The following MDGA2 variants were observed in gnomAD, a reference collection of about 807,000 sequenced individuals.
MDGA2 encodes the protein MAM domain containing glycosylphosphatidylinositol anchor 2.
Under a neutral mutation model 117.8 loss-of-function variants are expected in MDGA2, and 40 were observed. The ratio of observed to expected loss-of-function variants is 0.34; its 90% CI spans 0.26 to 0.44. The LOEUF (loss-of-function observed/expected upper bound fraction) is 0.44. Among genes scored for constraint, MDGA2 ranks in the 20% least tolerant of loss-of-function variants. The pLI, the probability that MDGA2 is intolerant of heterozygous loss-of-function variation, is 1.00. For missense variants in MDGA2, 1,123 were observed against 1,250.6 expected (o/e 0.90, Z 1.54); for synonymous variants, 452 against 439.0 (o/e 1.03, Z -0.37).
At chr14:47,068,277 T>G (rs532037746) in intron 6 of MDGA2, among the ~76,000 whole-genome samples, 1 of 151,924 alleles carries the variant, frequency 6.6e-6, no homozygotes, top group Non-Finnish European at 1.5e-5. Flanking sequence ...AAGGACGTTT[T>G]AGGCAGGCAC....
chr14:47,369,683 A>AT (rs1333355186), intron 1 of MDGA2, among the ~76,000 whole-genome samples: 19 of 152,196 alleles, frequency 1.2e-4, no homozygotes, highest in African/African-American at 4.3e-4. Flanking sequence ...ATAAAATATG[A>AT]TTTTTTCCCA....
intron 5 of MDGA2, among the ~76,000 whole-genome samples, chr14:47,120,872 C>T (rs1566636456): frequency 2.6e-5 from 4 of 152,132 alleles, no homozygotes; most frequent in Admixed American, 6.6e-5. Context: ...AAAAGCTCCA[C>T]GTAAACCAAT....
intron 1 of MDGA2, among the ~76,000 whole-genome samples, chr14:47,432,988 C>A (rs1360336911): frequency 6.6e-6 from 1 of 151,910 alleles, no homozygotes; most frequent in African/African-American, 2.4e-5. Context: ...AATACTGGGA[C>A]ACAAAGATGA....
chr14:47,505,642 T>C lies in MDGA2; in HGVS notation c.280+168875A>G, dbSNP rs143115456. Among the ~76,000 whole-genome samples the C allele has an allele frequency of 2.5e-4, 38 of 152,294 alleles. No individual in the cohort carries two copies. The East Asian group carries it at 6.6e-3, about 26-fold the overall frequency. On this transcript the variant is annotated intron_variant, in intron 1 of 16. Transcript: ENST00000399232. ...TTTTTATGTCATTATTTGCAAAATG[T>C]GTCCTAATTCTCCCTTAGTTTTCAG...
At chr14:47,550,309 T>C (rs1353801049) in intron 1 of MDGA2, among the ~76,000 whole-genome samples, 1 of 152,264 alleles carries the variant, frequency 6.6e-6, no homozygotes, top group Admixed American at 6.5e-5. Context: ...TTTTCTTTAC[T>C]AGTGACTTCT....
intron 2 of MDGA2, among the ~76,000 whole-genome samples, chr14:47,273,126 A>C (rs1403956226): frequency 6.6e-6 from 1 of 152,142 alleles, no homozygotes; most frequent in Non-Finnish European, 1.5e-5. Context: ...ATTTTGAATA[A>C]GATTTTGGTG....
chr14:47,254,813 T>C (rs1241177280), intron 2 of MDGA2, among the ~76,000 whole-genome samples: 2 of 152,198 alleles, frequency 1.3e-5, no homozygotes, highest in Non-Finnish European at 2.9e-5. Flanking sequence ...CTGGGTAATT[T>C]ATAAAGGAAA....
intron 1 of MDGA2, among the ~76,000 whole-genome samples, chr14:47,551,213 C>G (rs1353973607): frequency 2.0e-5 from 3 of 151,962 alleles, no homozygotes; most frequent in African/African-American, 7.3e-5. Flanking sequence ...AAATGCATAG[C>G]TCTAAATTCT....
chr14:47,630,667 G>T (rs1897238405), intron 1 of MDGA2, among the ~76,000 whole-genome samples: 1 of 152,102 alleles, frequency 6.6e-6, no homozygotes, highest in African/African-American at 2.4e-5. Context: ...CTCTGAGAAT[G>T]AATTATTATA....
chr14:47,558,915 G>A (rs1320303219), intron 1 of MDGA2, among the ~76,000 whole-genome samples: 2 of 151,960 alleles, frequency 1.3e-5, no homozygotes, highest in Non-Finnish European at 2.9e-5. Context: ...GCTATAATCT[G>A]TAAATTTTAT....
At chr14:47,055,956 G>T (rs1481471521) in intron 7 of MDGA2, among the ~76,000 whole-genome samples, 1 of 152,036 alleles carries the variant, frequency 6.6e-6, no homozygotes, top group African/African-American at 2.4e-5. Context: ...TTGGATTCAA[G>T]GAAAGAAATT....
intron 1 of MDGA2, among the ~76,000 whole-genome samples, chr14:47,365,140 AAAT>A (rs1891205371): frequency 6.6e-6 from 1 of 152,230 alleles, no homozygotes; most frequent in African/African-American, 2.4e-5. Context: ...CATATAAATC[AAAT>A]AATACTTTCA....
chr14:47,245,231 C>T (rs983356380), intron 2 of MDGA2, among the ~76,000 whole-genome samples: 13 of 151,682 alleles, frequency 8.6e-5, no homozygotes, highest in African/African-American at 2.7e-4. Flanking sequence ...GTCCCTGTGA[C>T]GAGCCCAGGC....
chr14:47,508,633 C>T (rs1158549327), intron 1 of MDGA2, among the ~76,000 whole-genome samples: 2 of 151,980 alleles, frequency 1.3e-5, no homozygotes, highest in Admixed American at 1.3e-4. Flanking sequence ...AAGATAAACA[C>T]AGACATGAAA....
intron 1 of MDGA2, among the ~76,000 whole-genome samples, chr14:47,640,742 T>G (rs1341847100): frequency 6.6e-6 from 1 of 152,130 alleles, no homozygotes; most frequent in East Asian, 1.9e-4. Context: ...CTGCACAAAA[T>G]ATCCTCACGT....
intron 6 of MDGA2, among the ~76,000 whole-genome samples, chr14:47,071,434 T>C (rs1890277673): frequency 1.3e-5 from 2 of 152,180 alleles, no homozygotes; most frequent in Non-Finnish European, 1.5e-5. Context: ...TGCTATAATA[T>C]GTTATATGTA....
At chr14:46,956,228 TTTC>T (rs1309736343) in intron 9 of MDGA2, among the ~76,000 whole-genome samples, 1 of 152,092 alleles carries the variant, frequency 6.6e-6, no homozygotes, top group Non-Finnish European at 1.5e-5. Context: ...TAATGTCCAG[TTTC>T]TTTTTTTTAC....
Position 47,579,875 on chromosome 14 carries a change from T to C in MDGA2, c.280+94642A>G, listed in dbSNP as rs149219698. ...GGTGAAAACATTTTTTAAAAAGTGA[T>C]AGCAATCACTAAAACTATTGGATAC... On this transcript the variant is annotated intron_variant, in intron 1 of 16. Transcript: ENST00000399232. Among the ~76,000 whole-genome samples, 778 of 152,200 alleles carry C rather than the reference T, an allele frequency of 5.1e-3. 8 individuals carry two copies. The highest frequency in any genetic ancestry group is 0.018 in the African/African-American group (728 of 41,548).
At chr14:47,174,891 T>A (rs1350563538) in intron 3 of MDGA2, among the ~76,000 whole-genome samples, 1 of 151,946 alleles carries the variant, frequency 6.6e-6, no homozygotes, top group Admixed American at 6.6e-5. Context: ...ACAAAATTCA[T>A]AGACTGCTTG....
Sources: allele counts gnomAD v4.1 joint callset (sites outside exome capture counted in the v4.1 genomes callset), GRCh38; gene constraint gnomAD v4.1.1; transcripts MANE v1.5; gene names NCBI Gene and HGNC (gene_info 2026-07-23, HGNC 2026-07-21).